Variants in MSLN observed in about 807,000 individuals in gnomAD.
MSLN encodes mesothelin.
Under a neutral mutation model 72.6 loss-of-function variants are expected in MSLN, and 82 were observed. That is an observed-to-expected ratio of 1.13 (90% CI 0.94 to 1.36). The LOEUF (loss-of-function observed/expected upper bound fraction) is 1.36, where lower values mean the gene tolerates loss of function less well. Among genes scored for constraint, MSLN ranks in the 40% most tolerant of loss-of-function variants. The pLI is 0.00. For synonymous variants in MSLN, 456 were observed against 387.3 expected, an observed-to-expected ratio of 1.18 and a Z score of -2.08; for missense variants, 1,005 against 847.9, an observed-to-expected ratio of 1.19 and a Z score of -2.30.
intron 2 of MSLN, among the ~76,000 whole-genome samples, chr16:761,768 C>T (rs1002660153): frequency 3.3e-5 from 5 of 152,230 alleles, no homozygotes; most frequent in African/African-American, 4.8e-5. Context: ...GTGGCCGGGC[C>T]GACCAGGCAG....
In MSLN at chr16:768,632, A is replaced by ACCCCTCTCTCTGTAGAGGCC; in HGVS notation, c.1784-14_1789dup. On this transcript the variant is annotated splice_polypyrimidine_tract_variant and intron_variant, in intron 17 of 17. Transcript: ENST00000545450. Reference sequence around the variant, plus strand: ...GGCGTGGAGGTGGGCGCTCTGAGTCACCCCTCTCTCTGTAGAGGCCCTCTC... The same window carrying ACCCCTCTCTCTGTAGAGGCC: ...GGCGTGGAGGTGGGCGCTCTGAGTCACCCCTCTCTCTGTAGAGGCCCCCCTCTCTCTGTAGAGGCCCTCTC... 6.2e-7 allele frequency: 1 copy of ACCCCTCTCTCTGTAGAGGCC among 1,609,030 alleles called. No homozygotes were observed. The highest frequency in any genetic ancestry group is 8.5e-7 in the Non-Finnish European group (1 of 1,178,792).
rs201359141 is a variant in MSLN, at chr16:765,604, G to A, written c.782G>A (p.Arg261His). 60 of 1,603,358 alleles carry A rather than the reference G, an allele frequency of 3.7e-5. No individual in the cohort carries two copies. Among genetic ancestry groups the A allele is most frequent in the South Asian group, 2.3e-4 (21 of 90,968 alleles). The change falls in exon 10 of 18, where the codon CGC (arginine) becomes CAC (histidine). Residue 261 changes from arginine to histidine, a missense_variant. By Grantham distance (29) the Arg-to-His change is conservative. Transcript: ENST00000545450. ...LLPVLGQPII[R>H]SIPQGIVAAW... ...CCCGTGCTGGGCCAGCCCATCATCCGCAGCATCCCGCAGGTGAGACCCCAA... is the reference window on the plus strand; with the variant it reads ...CCCGTGCTGGGCCAGCCCATCATCCACAGCATCCCGCAGGTGAGACCCCAA...
intron 14 of MSLN, 24 bp from the exon 15 acceptor site, chr16:766,861 A>G: frequency 1.2e-6 from 2 of 1,612,352 alleles, no homozygotes; most frequent in Non-Finnish European, 1.7e-6. Context: ...GCTGGCGCTC[A>G]CTGTCCACCC....
intron 11 of MSLN, 63 bp from the exon 12 acceptor site, chr16:765,996 G>T (rs890178930): frequency 1.3e-6 from 2 of 1,501,332 alleles, no homozygotes; most frequent in Non-Finnish European, 1.8e-6. Flanking sequence ...CTCACAGGAG[G>T]TGTGGGAGGA....
In MSLN at chr16:768,850, C is replaced by A. The variant is rs770269878; in HGVS notation, c.*117C>A. ...CTCGCGCTCAGTAAACGGGAACATG[C>A]CCCCTGCAGACACGTCTTGTGGCCT... On this transcript the variant is annotated 3_prime_UTR_variant, in exon 18 of 18. Transcript: ENST00000545450. 1.5e-5 allele frequency: 14 copies of A among 958,084 alleles called. No homozygotes were observed. The South Asian group carries it at 1.7e-4, about 11-fold the overall frequency. 59.3% of individuals were successfully genotyped at this position (958,084 alleles called of 1,614,324 possible).
chr16:766,795 C>A lies in MSLN; in HGVS notation c.1358C>A (p.Pro453His), dbSNP rs748146977. Residue 453 changes from proline to histidine, a missense_variant, in exon 14 of 18, where the codon CCC becomes CAC. Coordinates refer to ENST00000545450, the MANE Select transcript of MSLN (RefSeq NM_005823.6). ...AGCCCCGAGGAGCTGAGCTCCGTGC[C>A]CCCCAGCAGCATCTGGTGAGTCCCC... ...SLSPEELSSVPPSSIWAVRPQ... is the reference protein window; with the variant it reads ...SLSPEELSSVHPSSIWAVRPQ... 7 of 1,612,418 alleles carry A rather than the reference C, an allele frequency of 4.3e-6. No homozygotes were observed. The Admixed American group carries it at 1.2e-4, about 27-fold the overall frequency.
intron 11 of MSLN, 116 bp downstream of exon 11, chr16:765,906 C>A: frequency 7.5e-7 from 1 of 1,326,512 alleles, no homozygotes; most frequent in Non-Finnish European, 1.0e-6. Flanking sequence ...CCATTATAAT[C>A]ACAGAGAGTG....
In MSLN at chr16:763,652, C is replaced by T; in HGVS notation, c.140C>T (p.Pro47Leu). The T allele has an allele frequency of 6.2e-7, 1 of 1,603,414 alleles. No homozygotes were observed. Among genetic ancestry groups the T allele is most frequent in the Non-Finnish European group, 8.5e-7 (1 of 1,173,438 alleles). Residue 47 changes from proline (P) to leucine (L), a missense_variant, in exon 5 of 18, where the codon CCC (proline) becomes CTC (leucine). Physicochemically the swap from Pro to Leu is moderately conservative, Grantham distance 98. Coordinates refer to ENST00000545450, the MANE Select transcript of MSLN (RefSeq NM_005823.6). ...GCCCTGTGTCCCCAGGAGGCTGCGCCCCTGGACGGAGTCCTGGCCAACCCA... is the reference window on the plus strand; with the variant it reads ...GCCCTGTGTCCCCAGGAGGCTGCGCTCCTGGACGGAGTCCTGGCCAACCCA... ...LAGETGQEAA[P>L]LDGVLANPPN...
chr16:762,515 T>C (rs2041548255), intron 2 of MSLN, 157 bp from the exon 3 acceptor site: 1 of 634,878 alleles, frequency 1.6e-6, no homozygotes, highest in East Asian at 2.8e-5. Context: ...GAGGGCTCAG[T>C]GGCTGGAGGG....
At chr16:762,436 G>C (rs2041547435) in intron 2 of MSLN, 1 of 539,736 alleles carries the variant, frequency 1.9e-6, no homozygotes, top group African/African-American at 2.0e-5. Flanking sequence ...CTCCTGGGCT[G>C]TCTGGGCTGG....
chr16:765,036 G>A lies in MSLN; in HGVS notation c.510G>A (p.Trp170Ter). 1 of 1,611,394 alleles carries A rather than the reference G, an allele frequency of 6.2e-7. No individual in the cohort carries two copies. Among genetic ancestry groups the A allele is most frequent in the South Asian group, 1.1e-5 (1 of 90,954 alleles). Reference protein sequence around the residue: ...QRLLPAALACWGVRGSLLSEA... With the variant: ...QRLLPAALAC The stretch of plus-strand genomic sequence containing the variant: ...TGCTGCCTGCGGCTCTGGCCTGCTG[G>A]GTAGGGGCTGGGGCCAGCGCGGGGC... Residue 170 changes from tryptophan to a stop codon, truncating the protein, a stop_gained and splice_region_variant, in exon 8 of 18, where the codon TGG becomes TGA. Coordinates refer to ENST00000545450, the MANE Select transcript of MSLN (RefSeq NM_005823.6). LOFTEE classifies it high-confidence loss of function.
chr16:767,135 G>A lies in MSLN; in HGVS notation c.1501+123G>A, dbSNP rs551134006. The stretch of plus-strand genomic sequence containing the variant: ...TGCCAGGGTAACTGGGTGGTCACCC[G>A]CCCTCTGCCCCCCGGGGTGTGTATG... On this transcript the variant is annotated intron_variant, in intron 15 of 17. Transcript: ENST00000545450. 1.7e-4 allele frequency: 255 copies of A among 1,459,000 alleles called. 1 individual carries two copies. In the East Asian group the frequency reaches 2.3e-3, roughly 13 times the overall value. The allele number at this position is 1,459,000 out of a possible 1,614,324, so 90.4% of individuals were successfully genotyped here.
rs1436871854 is a variant in MSLN at position 768,464 on chromosome 16, A to G, written c.1682A>G (p.Asp561Gly). Residue 561 changes from aspartate to glycine, a missense_variant, in exon 17 of 18, where the codon GAC becomes GGC. Coordinates refer to ENST00000545450, the MANE Select transcript of MSLN (RefSeq NM_005823.6). ...GAGGAGCGGCACCGCCCGGTGCGGGACTGGATCCTACGGCAGCGGCAGGAC... is the reference window on the plus strand; with the variant it reads ...GAGGAGCGGCACCGCCCGGTGCGGGGCTGGATCCTACGGCAGCGGCAGGAC... The part of the protein sequence containing the change: ...KAEERHRPVR[D>G]WILRQRQDDL... 2.6e-6 allele frequency: 4 copies of G among 1,563,852 alleles called. No homozygotes were observed. The African/African-American group carries it at 4.1e-5, about 16-fold the overall frequency.
At chr16:767,187 C>T (rs558114643) in intron 15 of MSLN, among the ~76,000 whole-genome samples, 175 bp downstream of exon 15, 1 of 152,140 alleles carries the variant, frequency 6.6e-6, no homozygotes, top group Non-Finnish European at 1.5e-5. Context: ...GTTCTGACCC[C>T]AGCTCGGGGC....
chr16:765,194 G>T lies in MSLN; in HGVS notation c.595G>T (p.Glu199Ter). Residue 199 changes from glutamate to a stop codon, truncating the protein, a stop_gained, in exon 9 of 18, where the codon GAG becomes TAG. Transcript: ENST00000545450. LOFTEE classifies it high-confidence loss of function. ...CGACCTGCCTGGGCGCTTTGTGGCC[G>T]AGTCGGCCGAAGTGCTGCTACCCCG... ...ACDLPGRFVAESAEVLLPRLV... is the reference protein window; with the variant it reads ...ACDLPGRFVA The T allele has an allele frequency of 6.3e-7, 1 of 1,593,794 alleles. No homozygotes were observed.
rs1335167528 is a variant in MSLN, at chr16:766,342, C to A, written c.1082C>A (p.Pro361Gln). 2.5e-6 allele frequency: 4 copies of A among 1,612,584 alleles called. No homozygotes were observed. Among genetic ancestry groups the A allele is most frequent in the Admixed American group, 3.3e-5 (2 of 59,998 alleles). Reference protein sequence around the residue: ...VLKHKLDELYPQGYPESVIQH... With the variant: ...VLKHKLDELYQQGYPESVIQH... ...TGGTCTCTTGGCCTGCAGCTCTACC[C>A]ACAAGGTTACCCCGAGTCTGTGATC... The change falls in exon 13 of 18, where the codon CCA (proline) becomes CAA (glutamine). Residue 361 changes from proline (P) to glutamine (Q), a missense_variant. By Grantham distance (76) the Pro-to-Gln change is moderately conservative (BLOSUM62 -1). Transcript: ENST00000545450.
At chr16:761,714 A>C (rs2041539011) in intron 2 of MSLN, among the ~76,000 whole-genome samples, 2 of 152,256 alleles carry the variant, frequency 1.3e-5, no homozygotes, top group South Asian at 4.2e-4. Flanking sequence ...GGGGGAGTAG[A>C]GTCTGTCACC....
chr16:766,298 G>A (rs774503157), intron 12 of MSLN, 37 bp from the exon 13 acceptor site: 4 of 1,610,878 alleles, frequency 2.5e-6, no homozygotes, highest in Non-Finnish European at 8.5e-7. Context: ...AGCCCCTCTG[G>A]GAGTGACATG....
chr16:762,854 C>T, intron 3 of MSLN, 89 bp downstream of exon 3: 1 of 1,142,990 alleles, frequency 8.7e-7, no homozygotes, highest in South Asian at 1.5e-5. Context: ...CTGCCCCTGC[C>T]TTCTCCCTGG....
Sources: allele counts gnomAD v4.1 joint callset (sites outside exome capture counted in the v4.1 genomes callset), GRCh38; gene constraint gnomAD v4.1.1; transcripts MANE v1.5; gene names NCBI Gene and HGNC (gene_info 2026-07-23, HGNC 2026-07-21).